LPA: variants seen among roughly 807,000 people sequenced by gnomAD.
LPA encodes the protein lipoprotein(a), also known as apolipoprotein(a).
Under a neutral mutation model 197.9 loss-of-function variants are expected in LPA, and 199 were observed. That is an observed-to-expected ratio of 1.01 (90% CI 0.90 to 1.13). The LOEUF (loss-of-function observed/expected upper bound fraction) is 1.13. LPA is among the 50% of genes most tolerant of loss of function. LPA has a pLI of 0.00. For synonymous variants in LPA, 715 were observed against 639.5 expected (o/e 1.12, Z -1.78); for missense variants, 1,853 against 1,785.8 (o/e 1.04, Z -0.68).
chr6:160,611,271 G>C (rs1369838416), intron 16 of LPA, among the ~76,000 whole-genome samples: 1 of 152,060 alleles, frequency 6.6e-6, no homozygotes, highest in African/African-American at 2.4e-5. Flanking sequence ...AGTGGGTGTT[G>C]GGCAAGGGTA....
chr6:160,532,750 C>G (rs957688530), intron 37 of LPA, 101 bp from the exon 38 acceptor site: 1 of 811,292 alleles, frequency 1.2e-6, no homozygotes, highest in Non-Finnish European at 2.2e-6. Flanking sequence ...CCTGTCTGTC[C>G]GTGAGGCTGC....
At chr6:160,648,421 C>G (rs756876529) in intron 2 of LPA, among the ~76,000 whole-genome samples, 1 of 152,080 alleles carries the variant, frequency 6.6e-6, no homozygotes, top group African/African-American at 2.4e-5. Flanking sequence ...TTTCAGCCAT[C>G]CTTGCTTTCA....
chr6:160,596,404 T>C (rs1043944400), intron 20 of LPA, among the ~76,000 whole-genome samples: 1 of 152,152 alleles, frequency 6.6e-6, no homozygotes, highest in Non-Finnish European at 1.5e-5. Flanking sequence ...TTTTTTTTTT[T>C]TTCTTGTGTA....
Position 160,572,092 on chromosome 6 carries a change from G to A in LPA, c.4631+5044C>T, listed in dbSNP as rs41264300. ...TGTGCCAGAATGCACTGGTCTTCACGGCACAGTCCCTCACGGCTTCCTTTG... is the reference window on the plus strand; with the variant it reads ...TGTGCCAGAATGCACTGGTCTTCACAGCACAGTCCCTCACGGCTTCCTTTG... On this transcript the variant is annotated intron_variant, in intron 28 of 38. Coordinates refer to ENST00000316300, the MANE Select transcript of LPA (RefSeq NM_005577.4). 7.1e-3 allele frequency among the ~76,000 whole-genome samples: 1,079 copies of A among 152,284 alleles called. 10 individuals are homozygous for A. Among genetic ancestry groups the A allele is most frequent in the African/African-American group, 0.025 (1,039 of 41,554 alleles).
At chr6:160,577,056 A>C in intron 28 of LPA, 80 bp downstream of exon 28, 1 of 1,547,760 alleles carries the variant, frequency 6.5e-7, no homozygotes, top group Non-Finnish European at 8.9e-7. Flanking sequence ...TGTCCCTAGG[A>C]AGTGAGCTTA....
intron 1 of LPA, among the ~76,000 whole-genome samples, chr6:160,653,462 T>G (rs1360377041): frequency 6.6e-6 from 1 of 151,236 alleles, no homozygotes; most frequent in Admixed American, 6.6e-5. Context: ...AAGAAGACAG[T>G]CTTTTGAAGA....
At chr6:160,599,168 C>T (rs546340664) in intron 20 of LPA, among the ~76,000 whole-genome samples, 6 of 152,112 alleles carry the variant, frequency 3.9e-5, no homozygotes, top group African/African-American at 1.4e-4. Flanking sequence ...ACAGTGAAAC[C>T]CTGTCTCTAC....
chr6:160,573,158 A>G (rs1356574570), intron 28 of LPA, among the ~76,000 whole-genome samples: 1 of 151,656 alleles, frequency 6.6e-6, no homozygotes, highest in East Asian at 1.9e-4. Flanking sequence ...TCTTTGTTGG[A>G]TTGGGTTAAT....
At chr6:160,586,796 A>C (rs763664842) in intron 24 of LPA, among the ~76,000 whole-genome samples, 166 bp from the exon 25 acceptor site, 1 of 152,250 alleles carries the variant, frequency 6.6e-6, no homozygotes, top group Non-Finnish European at 1.5e-5. Context: ...AACAACTGTC[A>C]ACATTTCAAA....
intron 30 of LPA, among the ~76,000 whole-genome samples, chr6:160,552,346 G>A (rs955774807): frequency 6.6e-6 from 1 of 152,078 alleles, no homozygotes; most frequent in Non-Finnish European, 1.5e-5. Context: ...TCAATTTCAC[G>A]AGAACTGATA....
chr6:160,596,912 A>AT lies in LPA; in HGVS notation c.3288-1378dup, dbSNP rs767737047. On this transcript the variant is annotated intron_variant, in intron 20 of 38. Coordinates refer to ENST00000316300, the MANE Select transcript of LPA (RefSeq NM_005577.4). ...CTTACTCAGTTCAAAACTTTTCTAA[A>AT]TTCCTTAGTGATGTTTTCTTTGTCC... 5.3e-4 allele frequency among the ~76,000 whole-genome samples: 81 copies of AT among 152,202 alleles called. 1 individual carries two copies. Among genetic ancestry groups the AT allele is most frequent in the Non-Finnish European group, 2.6e-4 (18 of 68,024 alleles).
At chr6:160,545,059 T>C (rs187378163) in intron 33 of LPA, among the ~76,000 whole-genome samples, 478 of 152,284 alleles carry the variant, frequency 3.1e-3, no homozygotes, top group South Asian at 0.014. Flanking sequence ...TATTTTTTTT[T>C]TCTTCTCAGC....
intron 16 of LPA, among the ~76,000 whole-genome samples, chr6:160,608,720 C>T (rs887047733): frequency 6.6e-6 from 1 of 152,058 alleles, no homozygotes; most frequent in African/African-American, 2.4e-5. Flanking sequence ...CTCCCGTTCT[C>T]TTTTCTGTGA....
chr6:160,652,309 G>A (rs1004082477), intron 1 of LPA, among the ~76,000 whole-genome samples: 2 of 152,050 alleles, frequency 1.3e-5, no homozygotes, highest in Admixed American at 6.6e-5. Context: ...GGCAGTCAGA[G>A]AAAAAGGAAC....
intron 34 of LPA, among the ~76,000 whole-genome samples, chr6:160,542,458 A>G (rs560149032): frequency 6.6e-6 from 1 of 152,306 alleles, no homozygotes; most frequent in African/African-American, 2.4e-5. Context: ...GTGCCTACAG[A>G]TTTTGATGGA....
chr6:160,595,896 A>G (rs188963102), intron 20 of LPA, among the ~76,000 whole-genome samples: 1 of 152,366 alleles, frequency 6.6e-6, no homozygotes, highest in East Asian at 1.9e-4. Flanking sequence ...CAAGAGGATC[A>G]GAATACCCTC....
intron 26 of LPA, among the ~76,000 whole-genome samples, chr6:160,581,972 G>A (rs2115035103): frequency 6.6e-6 from 1 of 152,098 alleles, no homozygotes; most frequent in African/African-American, 2.4e-5. Flanking sequence ...TGGTTTTGAT[G>A]CCAATTCCCA....
In LPA at chr6:160,556,592, T is replaced by G. The variant is rs184696448; in HGVS notation, c.4814-408A>C. Among the ~76,000 whole-genome samples, 4 of 152,252 alleles carry G rather than the reference T, an allele frequency of 2.6e-5. No homozygotes were observed. The East Asian group carries it at 7.8e-4, about 30-fold the overall frequency. Reference sequence around the variant, plus strand: ...AACCCTGCACAGTTCCCTAGATGATTGCTCCTGAAAAGCCAAAGCCTTAAG... The same window carrying G: ...AACCCTGCACAGTTCCCTAGATGATGGCTCCTGAAAAGCCAAAGCCTTAAG... On this transcript the variant is annotated intron_variant, in intron 29 of 38. Transcript: ENST00000316300.
At chr6:160,569,703 G>A (rs1778528061) in intron 28 of LPA, among the ~76,000 whole-genome samples, 1 of 152,006 alleles carries the variant, frequency 6.6e-6, no homozygotes, top group Admixed American at 6.6e-5. Flanking sequence ...GCAAGCTACA[G>A]AATGGGAGAA....
Sources: gnomAD v4.1 joint callset for allele counts (sites outside exome capture counted in the v4.1 genomes callset) on GRCh38, gnomAD v4.1.1 for gene constraint, MANE v1.5 for transcripts, NCBI Gene and HGNC (gene_info 2026-07-23, HGNC 2026-07-21) for gene names.